Variants in RELCH observed in about 807,000 individuals in gnomAD.
RELCH encodes the protein RAB11-binding protein RELCH.
RELCH carries 41 observed loss-of-function variants against 150.3 expected under a neutral mutation model. The observed-to-expected ratio is 0.27, with a 90% CI of 0.21 to 0.35. The LOEUF (loss-of-function observed/expected upper bound fraction) is 0.35, where lower values mean the gene tolerates loss of function less well. Ranked by LOEUF, RELCH falls within the 10% of genes least tolerant of loss-of-function variation. The pLI is 1.00. For missense variants in RELCH, 1,092 were observed against 1,467.8 expected (o/e 0.74, Z 4.18); for synonymous variants, 478 against 531.8 (o/e 0.90, Z 1.39).
chr18:62,254,214 G>A (rs899325910), intron 12 of RELCH, among the ~76,000 whole-genome samples: 1 of 152,064 alleles, frequency 6.6e-6, no homozygotes, highest in African/African-American at 2.4e-5. Context: ...TATATATTAA[G>A]TCTTTCATTC....
intron 19 of RELCH, among the ~76,000 whole-genome samples, chr18:62,267,275 C>G (rs2043613990): frequency 1.3e-5 from 2 of 151,752 alleles, no homozygotes; most frequent in South Asian, 4.2e-4. Context: ...GGCCTAAGGA[C>G]TTGTTTATGT....
At chr18:62,192,646 C>A (rs553169185) in intron 1 of RELCH, among the ~76,000 whole-genome samples, 2 of 152,224 alleles carry the variant, frequency 1.3e-5, no homozygotes, top group East Asian at 1.9e-4. Flanking sequence ...ATAAGGAATT[C>A]TTTCCCCTTT....
At chr18:62,219,601 T>C (rs986131473) in intron 2 of RELCH, among the ~76,000 whole-genome samples, 3 of 151,456 alleles carry the variant, frequency 2.0e-5, no homozygotes, top group Non-Finnish European at 4.4e-5. Flanking sequence ...ACTCTAAGAG[T>C]TTCCGGAAGT....
At chr18:62,222,191 A>C (rs2040919667) in intron 5 of RELCH, among the ~76,000 whole-genome samples, 1 of 151,942 alleles carries the variant, frequency 6.6e-6, no homozygotes. Context: ...TCTCCTATAG[A>C]TCCTTTAGCA....
At chr18:62,255,323 G>T in intron 12 of RELCH, 84 bp from the exon 13 acceptor site, 1 of 932,516 alleles carries the variant, frequency 1.1e-6, no homozygotes, top group South Asian at 1.3e-5. Flanking sequence ...ATTCTTAACA[G>T]GATTTGTGGT....
intron 25 of RELCH, among the ~76,000 whole-genome samples, chr18:62,282,880 G>T (rs2044594053): frequency 6.6e-6 from 1 of 151,970 alleles, no homozygotes; most frequent in South Asian, 2.1e-4. Flanking sequence ...CTGGTCTCCA[G>T]CTCCTGATCT....
In RELCH at chr18:62,245,470, G is replaced by A. The variant is rs368104116; in HGVS notation, c.1733+594G>A. Among the ~76,000 whole-genome samples, 26 of 151,868 alleles carry A rather than the reference G, an allele frequency of 1.7e-4. No individual in the cohort carries two copies. In the East Asian group the frequency reaches 3.9e-3, roughly 23 times the overall value. On this transcript the variant is annotated intron_variant, in intron 11 of 28. Coordinates refer to ENST00000644646, the MANE Select transcript of RELCH (RefSeq NM_001346231.2). ...GAAACTCTATCTCTTCTAAAAATAC[G>A]AAAAAATCAGCTGGGCGTGGTGGTG...
rs2045855374 is a variant in RELCH at position 62,305,678 on chromosome 18, T to C, written c.*144T>C. 3.8e-6 allele frequency: 3 copies of C among 790,574 alleles called. No homozygotes were observed. Among genetic ancestry groups the C allele is most frequent in the African/African-American group, 3.6e-5 (2 of 55,894 alleles). The allele number at this position is 790,574 out of a possible 1,614,324, so 49.0% of individuals were successfully genotyped here. A position where few individuals can be genotyped will look rare whatever the true frequency, so the allele number is the denominator to read the frequency against. On this transcript the variant is annotated 3_prime_UTR_variant, in exon 29 of 29. Transcript: ENST00000644646. The surrounding 1 kb of genome is among the most constrained non-coding windows in gnomAD (Gnocchi z 4.0). ...TCCTAACCTCCAAAGATATTTGCAC[T>C]GCTTTTAATTACTGCTGTATATTTG...
intron 11 of RELCH, among the ~76,000 whole-genome samples, chr18:62,245,328 A>G (rs2042347787): frequency 6.6e-6 from 1 of 152,196 alleles, no homozygotes; most frequent in Non-Finnish European, 1.5e-5. Flanking sequence ...TACCTTCTCA[A>G]AATGTTCAGT....
chr18:62,268,673 T>G (rs1363934975), intron 19 of RELCH, 196 bp from the exon 20 acceptor site: 1 of 309,732 alleles, frequency 3.2e-6, no homozygotes, highest in Non-Finnish European at 6.0e-6. Flanking sequence ...TTATCAGAAA[T>G]GTTTATGCTA....
Position 62,282,381 on chromosome 18 carries a change from A to G in RELCH, c.3190A>G (p.Thr1064Ala), listed in dbSNP as rs2044562014. 5.0e-6 allele frequency: 8 copies of G among 1,613,094 alleles called. No individual in the cohort carries two copies. The highest frequency in any genetic ancestry group is 6.8e-6 in the Non-Finnish European group (8 of 1,179,512). ...PQYQDQHSLH[T>A]EIIKTFGRVG... ...GTATCAAGACCAACATTCTTTGCAT[A>G]CAGAGATCATAAAAACATTTGGTAG... is the stretch of plus-strand genomic sequence containing the variant. The change falls in exon 25 of 29, where the codon ACA (threonine) becomes GCA (alanine). Residue 1064 changes from threonine (T) to alanine (A), a missense_variant. Around this residue, in one of 4 missense-constraint regions of RELCH, gnomAD observed 707 missense variants for 1,025.4 expected, o/e 0.69. Coordinates refer to ENST00000644646, the MANE Select transcript of RELCH (RefSeq NM_001346231.2).
intron 28 of RELCH, chr18:62,300,428 T>C (rs1281145641): frequency 6.6e-6 from 1 of 152,158 alleles, no homozygotes; most frequent in Non-Finnish European, 1.5e-5. Context: ...CTGAAGTCTA[T>C]TGTAGATCAA....
chr18:62,294,030 T>C (rs1412199148), intron 27 of RELCH, among the ~76,000 whole-genome samples: 1 of 152,230 alleles, frequency 6.6e-6, no homozygotes, highest in Non-Finnish European at 1.5e-5. Context: ...AATTTCATTC[T>C]TATTGATATT....
At chr18:62,201,711 A>G (rs1395112203) in intron 1 of RELCH, among the ~76,000 whole-genome samples, 1 of 152,256 alleles carries the variant, frequency 6.6e-6, no homozygotes, top group Non-Finnish European at 1.5e-5. Flanking sequence ...AAGCATATAT[A>G]AACATGATTA....
At position 62,305,707 on chromosome 18, in the gene RELCH, A is replaced by AT; in HGVS notation, c.*177dup. 7.2e-6 allele frequency: 4 copies of AT among 558,324 alleles called. No individual in the cohort carries two copies. The highest frequency in any genetic ancestry group is 1.1e-5 in the Non-Finnish European group (4 of 364,068). The allele number at this position is 558,324 out of a possible 1,614,324, so 34.6% of individuals were successfully genotyped here. A position where few individuals can be genotyped will look rare whatever the true frequency, so the allele number is the denominator to read the frequency against. On this transcript the variant is annotated 3_prime_UTR_variant, in exon 29 of 29. Coordinates refer to ENST00000644646, the MANE Select transcript of RELCH (RefSeq NM_001346231.2). This position sits in a 1 kb window ranked among gnomAD's most constrained non-coding sequence, Gnocchi z 4.0. ...TTTAATTACTGCTGTATATTTGTTGATTTTGGAGTTACAACTGTGGTGATA... is the reference window on the plus strand; with the variant it reads ...TTTAATTACTGCTGTATATTTGTTGATTTTTGGAGTTACAACTGTGGTGATA...
At position 62,268,946 on chromosome 18, in the gene RELCH, C is replaced by A. The variant is rs776355234; in HGVS notation, c.2758C>A (p.Gln920Lys). The change falls in exon 20 of 29, where the codon CAG (glutamine) becomes AAG (lysine). Residue 920 changes from glutamine (Q) to lysine (K), a missense_variant and splice_region_variant. Gln to Lys is a moderately conservative substitution (Grantham distance 53). Coordinates refer to ENST00000644646, the MANE Select transcript of RELCH (RefSeq NM_001346231.2). ...AACAGGAGTCCTTACGTGTTATATT[C>A]AGGTAAGGGAAAAATTCTTACTCTC... The part of the protein sequence containing the change: ...YATGVLTCYI[Q>K]EEDRKLLVGF... 4.7e-6 allele frequency: 7 copies of A among 1,501,088 alleles called. No individual in the cohort carries two copies. The Admixed American group carries it at 1.2e-4, about 25-fold the overall frequency. The allele number at this position is 1,501,088 out of a possible 1,614,324, so 93.0% of individuals were successfully genotyped here. A position where few individuals can be genotyped will look rare whatever the true frequency, so the allele number is the denominator to read the frequency against.
Position 62,305,388 on chromosome 18 carries a change from C to T in RELCH, c.3531-26C>T. 1 of 1,572,798 alleles carries T rather than the reference C, an allele frequency of 6.4e-7. No homozygotes were observed. Among genetic ancestry groups the T allele is most frequent in the Non-Finnish European group, 8.6e-7 (1 of 1,164,204 alleles). On this transcript the variant is annotated intron_variant, in intron 28 of 28. Transcript: ENST00000644646. This position sits in a 1 kb window ranked among gnomAD's most constrained non-coding sequence, Gnocchi z 4.0. ...AATTTTTATTTTTTTAATTGCTTTA[C>T]ATGAATTTTAAATTTTCTTTCCTAG...
intron 25 of RELCH, among the ~76,000 whole-genome samples, chr18:62,283,744 A>G (rs2044645496): frequency 6.6e-6 from 1 of 152,204 alleles, no homozygotes; most frequent in Non-Finnish European, 1.5e-5. Context: ...TGTCAAATTT[A>G]CAGGTGATTC....
At chr18:62,224,198 T>C (rs1192433508) in intron 5 of RELCH, among the ~76,000 whole-genome samples, 1 of 152,162 alleles carries the variant, frequency 6.6e-6, no homozygotes, top group Non-Finnish European at 1.5e-5. Flanking sequence ...AATTCCCACC[T>C]GTGAATGAGA....
Sources: allele counts gnomAD v4.1 joint callset (sites outside exome capture counted in the v4.1 genomes callset), GRCh38; gene constraint gnomAD v4.1.1; regional missense constraint gnomAD v4.1.1; non-coding constraint Gnocchi (gnomAD v3.1); transcripts MANE v1.5; gene names NCBI Gene and HGNC (gene_info 2026-07-23, HGNC 2026-07-21).